Variants in PPP3CB observed in about 807,000 individuals in gnomAD.
PPP3CB encodes protein phosphatase 3 catalytic subunit beta.
PPP3CB carries 8 observed loss-of-function variants against 66.4 expected under a neutral mutation model. That is an observed-to-expected ratio of 0.12 (90% CI 0.07 to 0.22). PPP3CB has a LOEUF of 0.22. Among genes scored for constraint, PPP3CB ranks in the 10% least tolerant of loss-of-function variants. The pLI is 1.00. For missense variants in PPP3CB, 319 were observed against 642.5 expected, an observed-to-expected ratio of 0.50 and a Z score of 5.44; for synonymous variants, 208 against 221.2, an observed-to-expected ratio of 0.94 and a Z score of 0.53.
intron 10 of PPP3CB, among the ~76,000 whole-genome samples, chr10:73,449,318 C>G (rs946474448): frequency 6.6e-6 from 1 of 152,166 alleles, no homozygotes; most frequent in African/African-American, 2.4e-5. Flanking sequence ...TGCATATACT[C>G]AGGAGCAACA....
intron 9 of PPP3CB, among the ~76,000 whole-genome samples, chr10:73,463,197 T>C (rs1166749966): frequency 2.0e-5 from 3 of 152,160 alleles, no homozygotes; most frequent in African/African-American, 7.2e-5. Context: ...ACCATTCTTT[T>C]GGTTCTCCCC....
intron 9 of PPP3CB, chr10:73,467,310 G>T (rs1052823457): frequency 4.1e-6 from 1 of 242,418 alleles, no homozygotes; most frequent in East Asian, 7.6e-5. Context: ...AAATCCAACA[G>T]CTGAAGACAT....
chr10:73,439,160 T>C (rs1186075719), intron 13 of PPP3CB, among the ~76,000 whole-genome samples: 1 of 152,202 alleles, frequency 6.6e-6, no homozygotes, highest in African/African-American at 2.4e-5. Flanking sequence ...TCTAGAATGA[T>C]GCATCCTCCA....
chr10:73,445,061 A>G (rs1177366522), intron 11 of PPP3CB, among the ~76,000 whole-genome samples: 1 of 152,198 alleles, frequency 6.6e-6, no homozygotes, highest in Non-Finnish European at 1.5e-5. Context: ...ATATGTGGTA[A>G]GATTCATCAA....
At chr10:73,449,487 A>G (rs2056311252) in intron 10 of PPP3CB, among the ~76,000 whole-genome samples, 1 of 152,224 alleles carries the variant, frequency 6.6e-6, no homozygotes, top group Non-Finnish European at 1.5e-5. Flanking sequence ...ATGCTGAGAT[A>G]TATTATTCCT....
intron 12 of PPP3CB, among the ~76,000 whole-genome samples, chr10:73,443,286 C>CAGAAAGAAAGAAAGAAAGAAAGAA (rs71021552): frequency 5.6e-4 from 65 of 115,708 alleles, no homozygotes; most frequent in East Asian, 1.4e-3. Flanking sequence ...GAAAGAAAGA[C>CAGAAAGAAAGAAAGAAAGAAAGAA]AGAAAGAAAG....
chr10:73,444,568 G>T, intron 12 of PPP3CB, 157 bp downstream of exon 12: 1 of 1,548,858 alleles, frequency 6.5e-7, no homozygotes, highest in South Asian at 1.2e-5. Context: ...AGGTATTAAT[G>T]AGACACTAGC....
chr10:73,473,205 C>G (rs909734395), intron 4 of PPP3CB, among the ~76,000 whole-genome samples: 3 of 152,188 alleles, frequency 2.0e-5, no homozygotes, highest in Non-Finnish European at 4.4e-5. Context: ...TATGCCACTT[C>G]TGCCACTACC....
chr10:73,492,658 G>T (rs1327415981), intron 1 of PPP3CB, among the ~76,000 whole-genome samples: 1 of 152,206 alleles, frequency 6.6e-6, no homozygotes, highest in Non-Finnish European at 1.5e-5. Context: ...TTAATCAGGT[G>T]GGTTAGATCA....
chr10:73,461,990 C>A (rs1423863018), intron 9 of PPP3CB, among the ~76,000 whole-genome samples: 1 of 152,000 alleles, frequency 6.6e-6, no homozygotes, highest in Non-Finnish European at 1.5e-5. Context: ...TCTTCCCCCT[C>A]GCTCTCTTGC....
intron 9 of PPP3CB, among the ~76,000 whole-genome samples, chr10:73,457,505 G>T (rs78913911): frequency 6.6e-6 from 1 of 151,906 alleles, no homozygotes; most frequent in Non-Finnish European, 1.5e-5. Flanking sequence ...TCAGGAGGCT[G>T]AGCAGGTGGA....
intron 10 of PPP3CB, chr10:73,448,800 G>A (rs1274931529): frequency 2.0e-6 from 1 of 506,808 alleles, no homozygotes; most frequent in Non-Finnish European, 4.0e-6. Flanking sequence ...AATGAATGTA[G>A]AAAGAGAGAA....
chr10:73,494,932 G>A (rs2133068134), intron 1 of PPP3CB, among the ~76,000 whole-genome samples: 1 of 152,286 alleles, frequency 6.6e-6, no homozygotes, highest in East Asian at 1.9e-4. Context: ...GCTCTCCCAG[G>A]AAGCTTGGAA....
intron 12 of PPP3CB, among the ~76,000 whole-genome samples, chr10:73,441,330 G>T (rs1704286007): frequency 6.6e-6 from 1 of 152,130 alleles, no homozygotes; most frequent in Admixed American, 6.5e-5. Context: ...GGCAGGACAT[G>T]GAAGATCATG....
chr10:73,495,592 C>T, intron 1 of PPP3CB: 1 of 572,084 alleles, frequency 1.7e-6, no homozygotes, highest in Non-Finnish European at 2.6e-6. Context: ...GCAAAACCTC[C>T]GCCCCGGCCT....
chr10:73,485,854 C>G (rs2056962855), intron 1 of PPP3CB, among the ~76,000 whole-genome samples: 1 of 151,664 alleles, frequency 6.6e-6, no homozygotes, highest in Non-Finnish European at 1.5e-5. Flanking sequence ...AATTCTCCTG[C>G]CTCAGCCTCC....
At chr10:73,490,141 T>C (rs1359118552) in intron 1 of PPP3CB, among the ~76,000 whole-genome samples, 3 of 152,168 alleles carry the variant, frequency 2.0e-5, no homozygotes, top group Non-Finnish European at 2.9e-5. Context: ...CAATAAACAC[T>C]GCACAAATAA....
At chr10:73,469,818 C>T (rs1223463786) in intron 8 of PPP3CB, among the ~76,000 whole-genome samples, 1 of 152,114 alleles carries the variant, frequency 6.6e-6, no homozygotes, top group Non-Finnish European at 1.5e-5. Context: ...AGTCTTTAAC[C>T]TTCTGTTCTT....
At chr10:73,485,950 G>GTGTGTGTGTA (rs58404946) in intron 1 of PPP3CB, among the ~76,000 whole-genome samples, 2,808 of 124,502 alleles carry the variant, frequency 0.023, 79 homozygotes, top group East Asian at 0.12. Context: ...GTGTGTGTGT[G>GTGTGTGTGTA]TATTTTTTTT....
Sources: gnomAD v4.1 joint callset for allele counts (sites outside exome capture counted in the v4.1 genomes callset) on GRCh38, gnomAD v4.1.1 for gene constraint, MANE v1.5 for transcripts, NCBI Gene and HGNC (gene_info 2026-07-23, HGNC 2026-07-21) for gene names.